The following PPP1R13B variants were observed in gnomAD, a reference collection of about 807,000 sequenced individuals.
The protein encoded by PPP1R13B is protein phosphatase 1 regulatory subunit 13B.
In PPP1R13B, 44 loss-of-function variants were observed where a neutral mutation model predicts 119.8. The observed-to-expected ratio is 0.37, with a 90% CI of 0.29 to 0.47. PPP1R13B has a LOEUF of 0.47. Among genes scored for constraint, PPP1R13B ranks in the 20% least tolerant of loss-of-function variants. The pLI is 0.99. For missense variants in PPP1R13B, 1,227 were observed against 1,413.5 expected, an observed-to-expected ratio of 0.87 and a Z score of 2.12; for synonymous variants, 542 against 561.5, an observed-to-expected ratio of 0.97 and a Z score of 0.49.
At chr14:103,826,361 C>G (rs1196164208) in intron 1 of PPP1R13B, among the ~76,000 whole-genome samples, 3 of 152,192 alleles carry the variant, frequency 2.0e-5, no homozygotes, top group Non-Finnish European at 4.4e-5. Context: ...TTCTGGATCT[C>G]AGGATGCATA....
At chr14:103,792,473 C>A (rs2085647265) in intron 2 of PPP1R13B, among the ~76,000 whole-genome samples, 1 of 152,100 alleles carries the variant, frequency 6.6e-6, no homozygotes, top group Non-Finnish European at 1.5e-5. Flanking sequence ...CTGCACCTGG[C>A]AAAATTTTGA....
intron 1 of PPP1R13B, among the ~76,000 whole-genome samples, chr14:103,825,876 G>C (rs547189297): frequency 1.4e-5 from 2 of 147,788 alleles, no homozygotes; most frequent in East Asian, 3.9e-4. Context: ...AGAGAGTCTC[G>C]CTCTATCGCC....
chr14:103,763,875 G>C (rs1031228859), intron 4 of PPP1R13B: 2 of 152,158 alleles, frequency 1.3e-5, no homozygotes, highest in Non-Finnish European at 1.5e-5. Flanking sequence ...TCTTCCGGAC[G>C]CTTCATATAA....
At position 103,742,380 on chromosome 14, in the gene PPP1R13B, G is replaced by A. The variant is rs961036179; in HGVS notation, c.1321-89C>T. On this transcript the variant is annotated intron_variant, in intron 10 of 16. Coordinates refer to ENST00000202556, the MANE Select transcript of PPP1R13B (RefSeq NM_015316.3). This position sits in a 1 kb window ranked among gnomAD's most constrained non-coding sequence, Gnocchi z 4.9. Reference sequence around the variant, plus strand: ...CACATTCCCAAGAGAATACACAGTAGAATTTGTAATCCGTCAAATTGGCTG... The same window carrying A: ...CACATTCCCAAGAGAATACACAGTAAAATTTGTAATCCGTCAAATTGGCTG... 2 of 1,462,258 alleles carry A rather than the reference G, an allele frequency of 1.4e-6. No individual in the cohort carries two copies. Among genetic ancestry groups the A allele is most frequent in the Admixed American group, 4.6e-5 (2 of 43,748 alleles). 90.6% of individuals were successfully genotyped at this position (1,462,258 alleles called of 1,614,324 possible).
intron 1 of PPP1R13B, among the ~76,000 whole-genome samples, chr14:103,813,391 C>A (rs2086205141): frequency 6.6e-6 from 1 of 152,118 alleles, no homozygotes; most frequent in Non-Finnish European, 1.5e-5. Context: ...TGTGCCCCAC[C>A]CAAAAGCTCA....
At chr14:103,762,740 G>A (rs542543106) in intron 4 of PPP1R13B, 21 of 674,512 alleles carry the variant, frequency 3.1e-5, no homozygotes, top group Admixed American at 1.4e-4. Flanking sequence ...GGGGTGAGAC[G>A]GATGGGGGTG....
At chr14:103,774,874 T>C (rs2085151398) in intron 4 of PPP1R13B, among the ~76,000 whole-genome samples, 1 of 152,232 alleles carries the variant, frequency 6.6e-6, no homozygotes, top group African/African-American at 2.4e-5. Context: ...GTGTAAGCCA[T>C]AAAATACAGT....
At chr14:103,810,926 TAAAA>T (rs35556963) in intron 1 of PPP1R13B, among the ~76,000 whole-genome samples, 1 of 133,212 alleles carries the variant, frequency 7.5e-6, no homozygotes. Flanking sequence ...CCGTCTCTAC[TAAAA>T]AAAAAAAAAA....
At chr14:103,783,044 A>T (rs969369453) in intron 3 of PPP1R13B, among the ~76,000 whole-genome samples, 1 of 151,590 alleles carries the variant, frequency 6.6e-6, no homozygotes, top group African/African-American at 2.4e-5. Flanking sequence ...GACATCAGGT[A>T]ATCCACCCCA....
chr14:103,763,761 T>A (rs537247749), intron 4 of PPP1R13B: 9 of 152,356 alleles, frequency 5.9e-5, no homozygotes, highest in African/African-American at 2.2e-4. Flanking sequence ...TTAGAATGTT[T>A]CCATCTGCCT....
chr14:103,766,048 G>A lies in PPP1R13B; in HGVS notation c.355-8297C>T, dbSNP rs185178767. ...TTTTGAGACGGAGTCTAGCTCTGTC[G>A]CCCAGGCTTGAGCGCAGTGGCGCCA... is the stretch of plus-strand genomic sequence containing the variant. On this transcript the variant is annotated intron_variant, in intron 4 of 16. Coordinates refer to ENST00000202556, the MANE Select transcript of PPP1R13B (RefSeq NM_015316.3). Among the ~76,000 whole-genome samples the A allele has an allele frequency of 1.2e-3, 178 of 149,660 alleles. 1 individual carries two copies. The highest frequency in any genetic ancestry group is 4.2e-3 in the African/African-American group (169 of 40,692).
rs1444415911 is a variant in PPP1R13B at position 103,740,842 on chromosome 14, T to A, written c.1823-249A>T. Reference sequence around the variant, plus strand: ...TTGGGTTTCCAGAACTGGAGCTTTTTCAAAAGAAAAAAATAGGGTGCTAAC... The same window carrying A: ...TTGGGTTTCCAGAACTGGAGCTTTTACAAAAGAAAAAAATAGGGTGCTAAC... On this transcript the variant is annotated intron_variant, in intron 11 of 16. Coordinates refer to ENST00000202556, the MANE Select transcript of PPP1R13B (RefSeq NM_015316.3). The surrounding 1 kb of genome is among the most constrained non-coding windows in gnomAD (Gnocchi z 4.6). Among the ~76,000 whole-genome samples, 1 of 152,152 alleles carries A rather than the reference T, an allele frequency of 6.6e-6. No homozygotes were observed. Among genetic ancestry groups the A allele is most frequent in the Non-Finnish European group, 1.5e-5 (1 of 68,012 alleles).
chr14:103,827,630 T>C (rs543166031), intron 1 of PPP1R13B, among the ~76,000 whole-genome samples: 2 of 148,700 alleles, frequency 1.3e-5, no homozygotes, highest in East Asian at 3.9e-4. Flanking sequence ...ACTATAGATA[T>C]ATAGTATTAT....
At chr14:103,812,569 C>T (rs957193210) in intron 1 of PPP1R13B, among the ~76,000 whole-genome samples, 1 of 151,904 alleles carries the variant, frequency 6.6e-6, no homozygotes, top group Non-Finnish European at 1.5e-5. Context: ...GGGGTGCCTG[C>T]CATCAGGCCC....
At chr14:103,827,574 A>T (rs1032835787) in intron 1 of PPP1R13B, among the ~76,000 whole-genome samples, 1 of 149,578 alleles carries the variant, frequency 6.7e-6, no homozygotes, top group Non-Finnish European at 1.5e-5. Flanking sequence ...ATCACACTAT[A>T]GATCTATAGT....
Position 103,738,815 on chromosome 14 carries a change from A to G in PPP1R13B, c.2731-3T>C. On this transcript the variant is annotated splice_polypyrimidine_tract_variant and splice_region_variant and intron_variant, in intron 13 of 16. Coordinates refer to ENST00000202556, the MANE Select transcript of PPP1R13B (RefSeq NM_015316.3). The surrounding 1 kb of genome is among the most constrained non-coding windows in gnomAD (Gnocchi z 5.6). ...TTGGGCTTGCTGGGATCTTCCACCT[A>G]GGACACACGGCCTGTGAGCGCCCAT... 2 of 1,614,010 alleles carry G rather than the reference A, an allele frequency of 1.2e-6. No homozygotes were observed. Among genetic ancestry groups the G allele is most frequent in the Non-Finnish European group, 1.7e-6 (2 of 1,179,970 alleles).
At chr14:103,813,908 G>GA (rs2086218503) in intron 1 of PPP1R13B, among the ~76,000 whole-genome samples, 1 of 152,020 alleles carries the variant, frequency 6.6e-6, no homozygotes, top group Non-Finnish European at 1.5e-5. Context: ...CTGCACTAGG[G>GA]AAAAAACATT....
intron 7 of PPP1R13B, among the ~76,000 whole-genome samples, chr14:103,751,387 T>C (rs77484481): frequency 0.057 from 8,610 of 152,324 alleles, 261 homozygotes; most frequent in Middle Eastern, 0.12. Context: ...TTTTACTCTA[T>C]GTAGTTAAAT....
chr14:103,842,536 C>T (rs2086933988), intron 1 of PPP1R13B, among the ~76,000 whole-genome samples: 1 of 151,170 alleles, frequency 6.6e-6, no homozygotes, highest in Non-Finnish European at 1.5e-5. Context: ...CTCCTGACCT[C>T]AGGTGATCTG....
Sources: allele counts gnomAD v4.1 joint callset (sites outside exome capture counted in the v4.1 genomes callset), GRCh38; gene constraint gnomAD v4.1.1; non-coding constraint Gnocchi (gnomAD v3.1); transcripts MANE v1.5; gene names NCBI Gene and HGNC (gene_info 2026-07-23, HGNC 2026-07-21).